The following LINC00305 variants were observed in gnomAD, a reference collection of about 807,000 sequenced individuals.
The protein encoded by LINC00305 is long intergenic non-protein coding RNA 305.
chr18:64,119,887 T>G (rs1319794456), intron 1 of LINC00305, among the ~76,000 whole-genome samples: 2 of 152,136 alleles, frequency 1.3e-5, no homozygotes, highest in Non-Finnish European at 2.9e-5. Context: ...CTTTTGCTTT[T>G]GGGTATTCTC....
At chr18:64,143,538 T>TATATGTAC (rs74170002) in intron 1 of LINC00305, among the ~76,000 whole-genome samples, 13 of 114,368 alleles carry the variant, frequency 1.1e-4, no homozygotes, top group South Asian at 5.4e-4. Flanking sequence ...TGTGTACATA[T>TATATGTAC]ATATGTACAC....
chr18:64,100,124 T>G (rs576187951), intron 1 of LINC00305, among the ~76,000 whole-genome samples: 3 of 152,158 alleles, frequency 2.0e-5, no homozygotes, highest in Non-Finnish European at 4.4e-5. Flanking sequence ...CCAAGAAGTT[T>G]AAGTTTTCCA....
At chr18:64,098,254 G>A (rs1208730952) in intron 2 of LINC00305, among the ~76,000 whole-genome samples, 2 of 152,252 alleles carry the variant, frequency 1.3e-5, no homozygotes, top group South Asian at 2.1e-4. Flanking sequence ...AAACCTGACC[G>A]TGTTTATAGG....
rs560343196 is a variant in LINC00305, at chr18:64,098,091, A to T, written n.379-96T>A. The T allele has an allele frequency of 1.4e-5, 6 of 434,470 alleles. No homozygotes were observed. The East Asian group carries it at 4.3e-4, about 31-fold the overall frequency. The allele number at this position is 434,470 out of a possible 1,614,324, so 26.9% of individuals were successfully genotyped here. A position where few individuals can be genotyped will look rare whatever the true frequency, so the allele number is the denominator to read the frequency against. ...TACGTATTATTGAATAAAGGTACAG[A>T]GGCAAAGTTCTCTGACCAACATTGT... is the stretch of plus-strand genomic sequence containing the variant. On this transcript the variant is annotated intron_variant and non_coding_transcript_variant, in intron 2 of 3. Transcript: ENST00000666468.
At chr18:64,140,919 G>A (rs904165098) in intron 1 of LINC00305, among the ~76,000 whole-genome samples, 6 of 152,044 alleles carry the variant, frequency 3.9e-5, no homozygotes, top group African/African-American at 1.4e-4. Context: ...CTTTGCAGGG[G>A]AGGAAGGAGA....
intron 1 of LINC00305, among the ~76,000 whole-genome samples, chr18:64,104,409 G>A (rs1482394681): frequency 6.6e-6 from 1 of 152,148 alleles, no homozygotes; most frequent in Non-Finnish European, 1.5e-5. Context: ...CAGAGAAAAG[G>A]GAGTGTTCAT....
At chr18:64,109,865 T>A (rs2051307639) in intron 1 of LINC00305, among the ~76,000 whole-genome samples, 2 of 152,242 alleles carry the variant, frequency 1.3e-5, no homozygotes, top group Admixed American at 1.3e-4. Context: ...GACTCTCCAC[T>A]CCGAGCTTGT....
intron 3 of LINC00305, among the ~76,000 whole-genome samples, chr18:64,090,964 T>C (rs540153446): frequency 6.6e-6 from 1 of 152,324 alleles, no homozygotes; most frequent in Admixed American, 6.5e-5. Context: ...ACCTCTTGAT[T>C]AGCATTTACC....
chr18:64,140,393 G>C (rs537181493), intron 1 of LINC00305, among the ~76,000 whole-genome samples: 1 of 152,076 alleles, frequency 6.6e-6, no homozygotes, highest in Non-Finnish European at 1.5e-5. Flanking sequence ...GTTTTTAGTT[G>C]AGACAGGGTT....
chr18:64,144,901 T>C (rs766694146), intron 1 of LINC00305, among the ~76,000 whole-genome samples: 4 of 152,096 alleles, frequency 2.6e-5, no homozygotes, highest in Non-Finnish European at 4.4e-5. Context: ...CAGATGTTCA[T>C]ACCTCTGGGA....
chr18:64,087,805 G>T (rs1205651093), intron 3 of LINC00305, among the ~76,000 whole-genome samples: 2 of 152,112 alleles, frequency 1.3e-5, no homozygotes, highest in Non-Finnish European at 2.9e-5. Context: ...AATTCAGAGA[G>T]AAGCAGCCAG....
intron 1 of LINC00305, among the ~76,000 whole-genome samples, chr18:64,110,265 C>T (rs1178775591): frequency 2.6e-5 from 4 of 152,170 alleles, no homozygotes; most frequent in Non-Finnish European, 5.9e-5. Flanking sequence ...GTTATCGTAG[C>T]ATAACCTTAC....
intron 1 of LINC00305, among the ~76,000 whole-genome samples, chr18:64,112,299 A>C (rs1006582025): frequency 5.3e-5 from 8 of 151,874 alleles, no homozygotes; most frequent in Non-Finnish European, 8.8e-5. Context: ...CGATTTAAGA[A>C]ACTATTTTTC....
intron 1 of LINC00305, among the ~76,000 whole-genome samples, chr18:64,101,690 A>G (rs2051268496): frequency 6.6e-6 from 1 of 152,156 alleles, no homozygotes; most frequent in Non-Finnish European, 1.5e-5. Flanking sequence ...CTGTGGGTGG[A>G]AAGCTTCTTC....
In LINC00305 at chr18:64,148,288, A is replaced by G. The variant is rs147794298; in HGVS notation, n.314+487T>C. On this transcript the variant is annotated intron_variant and non_coding_transcript_variant, in intron 1 of 3. Coordinates refer to ENST00000666468, the Ensembl canonical transcript of LINC00305. Reference sequence around the variant, plus strand: ...CATCTGAACCTATAGTGACCAGAAGAAATTTCTTCCTCTGGGGTGCAAACT... The same window carrying G: ...CATCTGAACCTATAGTGACCAGAAGGAATTTCTTCCTCTGGGGTGCAAACT... 1.2e-3 allele frequency among the ~76,000 whole-genome samples: 182 copies of G among 152,282 alleles called. 1 individual carries two copies. The highest frequency in any genetic ancestry group is 4.2e-3 in the African/African-American group (174 of 41,570).
At chr18:64,146,387 G>A (rs187296557) in intron 1 of LINC00305, among the ~76,000 whole-genome samples, 1 of 152,306 alleles carries the variant, frequency 6.6e-6, no homozygotes, top group East Asian at 1.9e-4. Context: ...ATGTGTGTGT[G>A]TAAATACGCA....
chr18:64,087,904 A>G (rs968259630), intron 3 of LINC00305, among the ~76,000 whole-genome samples: 58 of 151,998 alleles, frequency 3.8e-4, no homozygotes, highest in African/African-American at 1.4e-3. Flanking sequence ...ATCCTGGCTA[A>G]CACAGTAAAA....
intron 1 of LINC00305, among the ~76,000 whole-genome samples, chr18:64,106,675 G>A (rs181799352): frequency 1.3e-5 from 2 of 152,138 alleles, no homozygotes; most frequent in Admixed American, 1.3e-4. Context: ...GGCATCCCAC[G>A]TGTGTGTCTC....
rs565202966 is a variant in LINC00305 at position 64,097,940 on chromosome 18, A to T, written n.434T>A. ...TGGCTGATAAACCAGAAGGCTGCTG[A>T]CCAGTTTCCATCTCCTGCTTTCCCT... On this transcript the variant is annotated non_coding_transcript_exon_variant, in exon 3 of 4. Coordinates refer to ENST00000666468, the Ensembl canonical transcript of LINC00305. 1.5e-5 allele frequency: 7 copies of T among 457,996 alleles called. No homozygotes were observed. In the East Asian group the frequency reaches 4.9e-4, roughly 32 times the overall value. 28.4% of individuals were successfully genotyped at this position (457,996 alleles called of 1,614,324 possible).
Sources: allele counts gnomAD v4.1 joint callset (sites outside exome capture counted in the v4.1 genomes callset), GRCh38; gene constraint gnomAD v4.1.1; transcripts MANE v1.5; gene names NCBI Gene and HGNC (gene_info 2026-07-23, HGNC 2026-07-21).